C5orf22: variants seen among roughly 807,000 people sequenced by gnomAD.
C5orf22 encodes the protein chromosome 5 open reading frame 22.
Under a neutral mutation model 48.7 loss-of-function variants are expected in C5orf22, and 36 were observed. That is an observed-to-expected ratio of 0.74 (90% CI 0.57 to 0.98). The LOEUF (loss-of-function observed/expected upper bound fraction) is 0.98, where lower values mean the gene tolerates loss of function less well. Among genes scored for constraint, C5orf22 ranks in the 50% least tolerant of loss-of-function variants. The pLI is 0.00. For synonymous variants in C5orf22, 141 were observed against 180.8 expected, an observed-to-expected ratio of 0.78 and a Z score of 1.76; for missense variants, 486 against 521.9, an observed-to-expected ratio of 0.93 and a Z score of 0.67.
rs762843114 is a variant in C5orf22 at position 31,538,240 on chromosome 5, CG to C, written c.378-19del. 2.0e-4 allele frequency: 306 copies of C among 1,536,432 alleles called. 3 individuals are homozygous for C. In the African/African-American group the frequency reaches 3.5e-3, roughly 18 times the overall value. ...TGATTTGCCCATTCTTCTTAAAAAT[CG>C]TTTTTTCCTCTGATTCAGGGTTACA... is the stretch of plus-strand genomic sequence containing the variant. On this transcript the variant is annotated intron_variant, in intron 3 of 8. Coordinates refer to ENST00000325366, the MANE Select transcript of C5orf22 (RefSeq NM_018356.3).
At chr5:31,546,502 T>C (rs934483549) in intron 7 of C5orf22, among the ~76,000 whole-genome samples, 5 of 152,226 alleles carry the variant, frequency 3.3e-5, no homozygotes, top group African/African-American at 4.8e-5. Flanking sequence ...AAGAATTTGC[T>C]GGTACTCTTT....
intron 4 of C5orf22, among the ~76,000 whole-genome samples, chr5:31,540,426 G>A (rs1412938521): frequency 6.6e-6 from 1 of 152,172 alleles, no homozygotes; most frequent in Admixed American, 6.5e-5. Context: ...GGTGCCTCCT[G>A]ACCGAGGTTC....
At position 31,535,726 on chromosome 5, in the gene C5orf22, T is replaced by G; in HGVS notation, c.228-18T>G. The G allele has an allele frequency of 5.1e-6, 8 of 1,562,224 alleles. No individual in the cohort carries two copies. Among genetic ancestry groups the G allele is most frequent in the Non-Finnish European group, 6.1e-6 (7 of 1,155,572 alleles). Reference sequence around the variant, plus strand: ...TAAAAATAAAAGTTTTAATGTTGTCTCTATGTTTCTTTTCCAGAGAATTAA... The same window carrying G: ...TAAAAATAAAAGTTTTAATGTTGTCGCTATGTTTCTTTTCCAGAGAATTAA... On this transcript the variant is annotated intron_variant, in intron 2 of 8. Coordinates refer to ENST00000325366, the MANE Select transcript of C5orf22 (RefSeq NM_018356.3).
chr5:31,538,384 C>A lies in C5orf22; in HGVS notation c.502C>A (p.Gln168Lys). ...AAAACCTTATAAACTCTGTAACAAT[C>A]AAGAAGAAAACGATGCAGTGTCTTC... The part of the protein sequence containing the change: ...MVKPYKLCNN[Q>K]EENDAVSSAK... The change falls in exon 4 of 9, where the codon CAA becomes AAA. Residue 168 changes from glutamine to lysine, a missense_variant. Physicochemically the swap from Gln to Lys is moderately conservative, Grantham distance 53 (BLOSUM62 1). Coordinates refer to ENST00000325366, the MANE Select transcript of C5orf22 (RefSeq NM_018356.3). 1 of 1,614,136 alleles carries A rather than the reference C, an allele frequency of 6.2e-7. No individual in the cohort carries two copies. Among genetic ancestry groups the A allele is most frequent in the Non-Finnish European group, 8.5e-7 (1 of 1,180,014 alleles).
intron 4 of C5orf22, among the ~76,000 whole-genome samples, chr5:31,539,483 T>C (rs1742318844): frequency 1.3e-5 from 2 of 152,228 alleles, no homozygotes; most frequent in Non-Finnish European, 2.9e-5. Context: ...AGATTATTCC[T>C]TAAACAGTGA....
At chr5:31,545,741 T>C in intron 7 of C5orf22, 29 bp downstream of exon 7, 1 of 1,454,018 alleles carries the variant, frequency 6.9e-7, no homozygotes, top group Non-Finnish European at 9.6e-7. Context: ...TGTGTAAAAT[T>C]GACCCTTTGT....
intron 2 of C5orf22, chr5:31,534,893 C>A: frequency 2.5e-6 from 1 of 398,434 alleles, no homozygotes; most frequent in Non-Finnish European, 5.0e-6. Flanking sequence ...AGAAACAAAC[C>A]AAAAAAACTT....
intron 6 of C5orf22, among the ~76,000 whole-genome samples, chr5:31,542,383 C>G (rs2150075759): frequency 6.8e-6 from 1 of 147,272 alleles, no homozygotes; most frequent in Non-Finnish European, 1.5e-5. Flanking sequence ...TGGCGTGAAT[C>G]CGGGAGGCGG....
At chr5:31,546,424 T>C (rs763120328) in intron 7 of C5orf22, among the ~76,000 whole-genome samples, 14 of 152,238 alleles carry the variant, frequency 9.2e-5, no homozygotes, top group Non-Finnish European at 1.9e-4. Flanking sequence ...TATTTACTTA[T>C]GGAATACAGT....
chr5:31,543,009 GA>G (rs1002108861), intron 6 of C5orf22, among the ~76,000 whole-genome samples: 2 of 152,158 alleles, frequency 1.3e-5, no homozygotes, highest in African/African-American at 4.8e-5. Flanking sequence ...GAAGAATATG[GA>G]AAAAGCTGAA....
Position 31,535,823 on chromosome 5 carries a change from T to C in C5orf22, c.307T>C (p.Trp103Arg), listed in dbSNP as rs1424088452. ...ACATGTAATATGGTTTCATCCCACA[T>C]GGGCTCAGCAGATCAGAGAGGGCAG... Reference protein sequence around the residue: ...FSHVIWFHPTWAQQIREGRHH... With the variant: ...FSHVIWFHPTRAQQIREGRHH... Residue 103 changes from tryptophan to arginine, a missense_variant, in exon 3 of 9, where the codon TGG (tryptophan) becomes CGG (arginine). By Grantham distance (101) the Trp-to-Arg change is moderately radical. Coordinates refer to ENST00000325366, the MANE Select transcript of C5orf22 (RefSeq NM_018356.3). 1 of 1,613,550 alleles carries C rather than the reference T, an allele frequency of 6.2e-7. No homozygotes were observed. The highest frequency in any genetic ancestry group is 8.5e-7 in the Non-Finnish European group (1 of 1,179,758).
intron 8 of C5orf22, among the ~76,000 whole-genome samples, chr5:31,551,696 A>G (rs1458937470): frequency 1.3e-5 from 2 of 152,202 alleles, no homozygotes; most frequent in African/African-American, 4.8e-5. Flanking sequence ...GCCACAAGCT[A>G]AGGAACACAG....
At chr5:31,543,907 T>A (rs1742637909) in intron 6 of C5orf22, among the ~76,000 whole-genome samples, 1 of 151,920 alleles carries the variant, frequency 6.6e-6, no homozygotes, top group South Asian at 2.1e-4. Flanking sequence ...GAAAATATGA[T>A]GAGACTGCAA....
rs1217917216 is a variant in C5orf22, at chr5:31,551,421, G to A, written c.1188G>A (p.Val396=). Residue 396 remains valine, a synonymous_variant, in exon 8 of 9, where the codon GTG becomes GTA. Transcript: ENST00000325366. ...AAAATTTACCAAATCCTACTCTTGT[G>A]ACAATTGCAAGGTAAGTGTGTTCAG... is the stretch of plus-strand genomic sequence containing the variant. ...LLKNLPNPTL[V]TIARSSLDDY... 1 of 1,610,674 alleles carries A rather than the reference G, an allele frequency of 6.2e-7. No homozygotes were observed. The highest frequency in any genetic ancestry group is 8.5e-7 in the Non-Finnish European group (1 of 1,178,954).
In C5orf22 at chr5:31,532,352, A is replaced by G; in HGVS notation, c.-41A>G. 1 of 1,605,938 alleles carries G rather than the reference A, an allele frequency of 6.2e-7. No homozygotes were observed. The highest frequency in any genetic ancestry group is 8.5e-7 in the Non-Finnish European group (1 of 1,172,914). On this transcript the variant is annotated 5_prime_UTR_variant, in exon 1 of 9. Coordinates refer to ENST00000325366, the MANE Select transcript of C5orf22 (RefSeq NM_018356.3). ...GCGCCGGCTTTCCCGGGTCTTCTCC[A>G]GCTGCCACCGCTTTACTGCAAAACT...
At chr5:31,536,623 A>C (rs1742113096) in intron 3 of C5orf22, among the ~76,000 whole-genome samples, 2 of 152,244 alleles carry the variant, frequency 1.3e-5, no homozygotes, top group Non-Finnish European at 2.9e-5. Flanking sequence ...CTGCTGAATA[A>C]GTAGATTTGG....
chr5:31,535,295 A>G lies in C5orf22; in HGVS notation c.228-449A>G, dbSNP rs374155196. Among the ~76,000 whole-genome samples the G allele has an allele frequency of 1.6e-4, 24 of 152,338 alleles. No individual in the cohort carries two copies. In the East Asian group the frequency reaches 3.7e-3, roughly 23 times the overall value. On this transcript the variant is annotated intron_variant, in intron 2 of 8. Coordinates refer to ENST00000325366, the MANE Select transcript of C5orf22 (RefSeq NM_018356.3). ...TCCTTGAGACAACTGTTATGCTTCAAACTATGTAGCAGGAGAGCTTTCTGT... is the reference window on the plus strand; with the variant it reads ...TCCTTGAGACAACTGTTATGCTTCAGACTATGTAGCAGGAGAGCTTTCTGT...
chr5:31,550,074 C>T (rs147317206), intron 7 of C5orf22, among the ~76,000 whole-genome samples: 81 of 152,106 alleles, frequency 5.3e-4, no homozygotes, highest in Non-Finnish European at 1.1e-3. Context: ...AGAGATAGAA[C>T]GCTAAATAGT....
chr5:31,547,133 C>T (rs1340500305), intron 7 of C5orf22, among the ~76,000 whole-genome samples: 1 of 152,186 alleles, frequency 6.6e-6, no homozygotes, highest in Non-Finnish European at 1.5e-5. Context: ...CCCAAAGGGG[C>T]AGTGCAAGTC....
Sources: allele counts gnomAD v4.1 joint callset (sites outside exome capture counted in the v4.1 genomes callset), GRCh38; gene constraint gnomAD v4.1.1; transcripts MANE v1.5; gene names NCBI Gene and HGNC (gene_info 2026-07-23, HGNC 2026-07-21).